The following ZNF540 variants were observed in gnomAD, a reference collection of about 807,000 sequenced individuals.
ZNF540 encodes the protein zinc finger protein 540, also known as CTD-3064H18.6.
A neutral mutation model predicts 11.8 loss-of-function variants in ZNF540; 3 were observed. The ratio of observed to expected loss-of-function variants is 0.25; its 90% CI spans 0.12 to 0.65. The LOEUF is 0.65. Ranked by LOEUF, ZNF540 falls within the 30% of genes least tolerant of loss-of-function variation. ZNF540 has a pLI of 0.83. For synonymous variants in ZNF540, 247 were observed against 259.0 expected, an observed-to-expected ratio of 0.95 and a Z score of 0.45; for missense variants, 709 against 793.1, an observed-to-expected ratio of 0.89 and a Z score of 1.27.
chr19:37,564,527 G>C, intron 1 of ZNF540: 1 of 1,361,496 alleles, frequency 7.3e-7, no homozygotes, highest in East Asian at 2.4e-5. Flanking sequence ...GCAGAAGCAA[G>C]ATGTTCTACA....
At chr19:37,586,638 A>T in intron 1 of ZNF540, 1 of 1,613,460 alleles carries the variant, frequency 6.2e-7, no homozygotes, top group Non-Finnish European at 8.5e-7. Flanking sequence ...AAATGATTGT[A>T]CTTCAAGAAG....
chr19:37,578,832 A>G (rs2043341911), intron 1 of ZNF540, among the ~76,000 whole-genome samples: 1 of 152,208 alleles, frequency 6.6e-6, no homozygotes, highest in Admixed American at 6.5e-5. Flanking sequence ...ACCTCCGCCT[A>G]AACTCTGGTG....
upstream of ZNF540, among the ~76,000 whole-genome samples, chr19:37,593,125 GT>G (rs767668305): frequency 1.6e-3 from 234 of 146,566 alleles, no homozygotes; most frequent in Admixed American, 3.0e-3. Context: ...CTTATTGTTA[GT>G]TTTTTTTTTT....
At chr19:37,587,294 C>G (rs1478539416) in intron 1 of ZNF540, 1 of 152,270 alleles carries the variant, frequency 6.6e-6, no homozygotes, top group African/African-American at 2.4e-5. Flanking sequence ...CTCCCAATTA[C>G]AACACCTCCT....
chr19:37,609,087 A>T (rs2044107195), intron 4 of ZNF540, among the ~76,000 whole-genome samples: 1 of 152,164 alleles, frequency 6.6e-6, no homozygotes, highest in Non-Finnish European at 1.5e-5. Context: ...TCTCCCTAAA[A>T]TTGTTGAGTT....
chr19:37,598,048 G>A (rs545388970), intron 1 of ZNF540, among the ~76,000 whole-genome samples: 5 of 152,360 alleles, frequency 3.3e-5, no homozygotes, highest in African/African-American at 1.2e-4. Flanking sequence ...TTTGGATGGT[G>A]AGAATTGAGG....
At chr19:37,559,449 T>A (rs1276734689) in intron 1 of ZNF540, among the ~76,000 whole-genome samples, 3 of 152,234 alleles carry the variant, frequency 2.0e-5, no homozygotes, top group Non-Finnish European at 4.4e-5. Context: ...TCAACCTGAA[T>A]ACTCAGCTTA....
chr19:37,590,840 T>C (rs970173909), upstream of ZNF540, among the ~76,000 whole-genome samples: 1 of 152,206 alleles, frequency 6.6e-6, no homozygotes, highest in Non-Finnish European at 1.5e-5. Context: ...ATGTAATCCA[T>C]GAACCTTAAA....
intron 4 of ZNF540, 77 bp downstream of exon 4, chr19:37,601,182 C>T: frequency 3.2e-6 from 4 of 1,235,590 alleles, no homozygotes; most frequent in Non-Finnish European, 4.6e-6. Flanking sequence ...CATATACAGG[C>T]TTTGCATGCT....
At position 37,566,320 on chromosome 19, in the gene ZNF540, G is replaced by T. The variant is rs764796636; in HGVS notation, c.-73+14655G>T. ...TAGAATAAAAAGAAAGCAAATTCCTGCTTTTGTTTACAAGGAGAAATAAAA... is the reference window on the plus strand; with the variant it reads ...TAGAATAAAAAGAAAGCAAATTCCTTCTTTTGTTTACAAGGAGAAATAAAA... On this transcript the variant is annotated intron_variant, in intron 1 of 4. Transcript: ENST00000592533. The T allele has an allele frequency of 5.1e-6, 8 of 1,560,946 alleles. No individual in the cohort carries two copies. In the African/African-American group the frequency reaches 1.1e-4, roughly 22 times the overall value.
rs546331580 is a variant in ZNF540, at chr19:37,556,316, G to T, written c.-73+4651G>T. On this transcript the variant is annotated intron_variant, in intron 1 of 4. Coordinates refer to the ZNF540 transcript ENST00000592533. ...ACATAACAGGCAAAAACAAACAAGT[G>T]AGGTAGATAAAAAGAATTAATCTAA... Among the ~76,000 whole-genome samples, 4 of 152,338 alleles carry T rather than the reference G, an allele frequency of 2.6e-5. No individual in the cohort carries two copies. The East Asian group carries it at 7.7e-4, about 29-fold the overall frequency.
intron 3 of ZNF540, among the ~76,000 whole-genome samples, chr19:37,600,284 G>T (rs2044028822): frequency 6.6e-6 from 1 of 152,166 alleles, no homozygotes; most frequent in Admixed American, 6.5e-5. Context: ...CAGTACCTGG[G>T]TGGTGGGATC....
intron 1 of ZNF540, among the ~76,000 whole-genome samples, chr19:37,552,321 A>G (rs900117568): frequency 3.3e-5 from 5 of 152,334 alleles, no homozygotes; most frequent in African/African-American, 9.6e-5. Flanking sequence ...AGTTCTTTGT[A>G]TAAGTGAAAA....
chr19:37,584,209 A>G lies in ZNF540; in HGVS notation c.-72-14167A>G, dbSNP rs899678658. The G allele has an allele frequency of 8.6e-6, 13 of 1,512,108 alleles. No homozygotes were observed. In the African/African-American group the frequency reaches 1.8e-4, roughly 21 times the overall value. The allele number at this position is 1,512,108 out of a possible 1,614,324, so 93.7% of individuals were successfully genotyped here. On this transcript the variant is annotated intron_variant, in intron 1 of 4. Coordinates refer to the ZNF540 transcript ENST00000592533. ...AGCAAGTAACACAAAACAACAGGAAATTGGTTGCCTAAACAGTAGTATTAA... is the reference window on the plus strand; with the variant it reads ...AGCAAGTAACACAAAACAACAGGAAGTTGGTTGCCTAAACAGTAGTATTAA...
At chr19:37,610,441 A>T (rs1295270067) in intron 4 of ZNF540, among the ~76,000 whole-genome samples, 1 of 152,242 alleles carries the variant, frequency 6.6e-6, no homozygotes, top group South Asian at 2.1e-4. Context: ...AAATTGTGAA[A>T]TGAAGAAATG....
intron 4 of ZNF540, among the ~76,000 whole-genome samples, chr19:37,603,668 TAATA>T (rs1216088418): frequency 7.1e-5 from 6 of 84,162 alleles, no homozygotes; most frequent in Non-Finnish European, 1.8e-4. Flanking sequence ...AATCAGGAGT[TAATA>T]ATAATAACAG....
intron 1 of ZNF540, among the ~76,000 whole-genome samples, chr19:37,577,471 C>T (rs889416667): frequency 6.6e-6 from 1 of 152,080 alleles, no homozygotes; most frequent in Admixed American, 6.6e-5. Context: ...TCAGGTGCTA[C>T]AGAAAAAGTA....
At chr19:37,592,911 G>C (rs967281156), upstream of ZNF540, among the ~76,000 whole-genome samples, 1 of 152,142 alleles carries the variant, frequency 6.6e-6, no homozygotes. Flanking sequence ...ACACAGGAGG[G>C]AAACTATCAT....
At chr19:37,589,864 C>CAATA (rs2043813995), upstream of ZNF540, among the ~76,000 whole-genome samples, 1 of 29,590 alleles carries the variant, frequency 3.4e-5, no homozygotes, top group African/African-American at 1.5e-4. Flanking sequence ...GACTCCATCT[C>CAATA]AAAAAAAAAA....
Sources: allele counts gnomAD v4.1 joint callset (sites outside exome capture counted in the v4.1 genomes callset), GRCh38; gene constraint gnomAD v4.1.1; transcripts MANE v1.5; gene names NCBI Gene and HGNC (gene_info 2026-07-23, HGNC 2026-07-21).